MCHR2: variants seen among roughly 807,000 people sequenced by gnomAD.
MCHR2 encodes the protein melanin-concentrating hormone receptor 2.
Under a neutral mutation model 24.8 loss-of-function variants are expected in MCHR2, and 15 were observed. The observed-to-expected ratio is 0.60, with a 90% confidence interval of 0.40 to 0.93. MCHR2 has a LOEUF of 0.93. MCHR2 is among the 40% of genes least tolerant of loss of function. The pLI is 0.00. For missense variants in MCHR2, 386 were observed against 408.7 expected, an observed-to-expected ratio of 0.94 and a Z score of 0.48; for synonymous variants, 151 against 147.6, an observed-to-expected ratio of 1.02 and a Z score of -0.17.
chr6:99,948,121 G>T, intron 2 of MCHR2, 150 bp from the exon 3 acceptor site: 2 of 654,234 alleles, frequency 3.1e-6, no homozygotes, highest in Non-Finnish European at 5.2e-6. Flanking sequence ...GCCTAGTCTT[G>T]TGTGTATTTA....
chr6:99,945,300 G>A (rs766920834), intron 3 of MCHR2, among the ~76,000 whole-genome samples: 8 of 152,114 alleles, frequency 5.3e-5, no homozygotes, highest in Admixed American at 2.6e-4. Context: ...TGAATCAATT[G>A]CAAATTTTGG....
chr6:99,972,701 T>A (rs1233023256), intron 1 of MCHR2, among the ~76,000 whole-genome samples: 1 of 152,204 alleles, frequency 6.6e-6, no homozygotes, highest in Non-Finnish European at 1.5e-5. Context: ...GGGCATTTAG[T>A]GCTATAAATT....
chr6:99,951,796 G>T (rs1262788407), intron 2 of MCHR2, among the ~76,000 whole-genome samples: 1 of 152,130 alleles, frequency 6.6e-6, no homozygotes, highest in Non-Finnish European at 1.5e-5. Flanking sequence ...CCTGTCAGCA[G>T]CTGGAATTCT....
intron 1 of MCHR2, among the ~76,000 whole-genome samples, chr6:99,963,154 G>T (rs1339335242): frequency 6.6e-6 from 1 of 152,062 alleles, no homozygotes; most frequent in Non-Finnish European, 1.5e-5. Context: ...AAGTATTGAG[G>T]ATGTGGAAAA....
intron 3 of MCHR2, among the ~76,000 whole-genome samples, chr6:99,945,449 A>G (rs181962611): frequency 6.6e-6 from 1 of 152,236 alleles, no homozygotes; most frequent in African/African-American, 2.4e-5. Context: ...ATGGCTATGG[A>G]GGTAGAAGCC....
intron 3 of MCHR2, 43 bp from the exon 4 acceptor site, chr6:99,943,186 G>A: frequency 6.6e-7 from 1 of 1,508,646 alleles, no homozygotes; most frequent in Non-Finnish European, 9.0e-7. Flanking sequence ...ATCAATAAAA[G>A]CACTGAGCTC....
chr6:99,948,021 A>G lies in MCHR2; in HGVS notation c.183-50T>C, dbSNP rs370369113. On this transcript the variant is annotated intron_variant, in intron 2 of 5. Transcript: ENST00000281806. ...GATTGACATTGAATGTATACAGACT[A>G]TTCGATATATGCTACCTCATACAAA... 5.4e-6 allele frequency: 8 copies of G among 1,487,784 alleles called. No individual in the cohort carries two copies. In the African/African-American group the frequency reaches 9.7e-5, roughly 18 times the overall value. The allele number at this position is 1,487,784 out of a possible 1,614,324, so 92.2% of individuals were successfully genotyped here. A position where few individuals can be genotyped will look rare whatever the true frequency, so the allele number is the denominator to read the frequency against.
chr6:99,937,645 A>C (rs1053656665), intron 4 of MCHR2, among the ~76,000 whole-genome samples: 13 of 151,824 alleles, frequency 8.6e-5, no homozygotes, highest in Non-Finnish European at 1.9e-4. Flanking sequence ...TATGCTCATC[A>C]GTAATATTGG....
chr6:99,934,834 T>C (rs1013588533), intron 4 of MCHR2, among the ~76,000 whole-genome samples: 7 of 152,058 alleles, frequency 4.6e-5, no homozygotes, highest in African/African-American at 1.7e-4. Context: ...ATTTATTATA[T>C]AGTAGGCACT....
Position 99,919,705 on chromosome 6 carries a change from T to C in MCHR2, c.*1235A>G, listed in dbSNP as rs1379377687. ...CATGTATACTGTAACCAAAAGGGAA[T>C]GTTTCTTGTTTTTTTTTTTGTTTGT... On this transcript the variant is annotated 3_prime_UTR_variant, in exon 6 of 6. Coordinates refer to ENST00000281806, the MANE Select transcript of MCHR2 (RefSeq NM_001040179.2). Among the ~76,000 whole-genome samples the C allele has an allele frequency of 6.6e-6, 1 of 150,886 alleles. No individual in the cohort carries two copies. The highest frequency in any genetic ancestry group is 2.4e-5 in the African/African-American group (1 of 41,222).
At chr6:99,978,420 G>GTT (rs3996890) in intron 1 of MCHR2, among the ~76,000 whole-genome samples, 44,406 of 104,070 alleles carry the variant, frequency 0.43, 11,936 homozygotes, top group East Asian at 0.75. Flanking sequence ...GGTCAAGACA[G>GTT]TTTTTTTTTT....
intron 1 of MCHR2, among the ~76,000 whole-genome samples, chr6:99,963,561 AAAC>A (rs1775239010): frequency 6.6e-6 from 1 of 152,120 alleles, no homozygotes; most frequent in African/African-American, 2.4e-5. Context: ...TGCAAGGTGA[AAAC>A]AGTTTAGGTA....
chr6:99,960,894 C>T (rs537914665), intron 1 of MCHR2, among the ~76,000 whole-genome samples: 126 of 152,232 alleles, frequency 8.3e-4, no homozygotes, highest in African/African-American at 1.3e-3. Context: ...AAAACCTAGG[C>T]GATACCATTC....
chr6:99,946,879 C>T (rs1020687926), intron 3 of MCHR2, among the ~76,000 whole-genome samples: 1 of 152,090 alleles, frequency 6.6e-6, no homozygotes, highest in Non-Finnish European at 1.5e-5. Flanking sequence ...GGCTCTGTTT[C>T]TGTTTGGGGT....
At chr6:99,976,625 C>G (rs12055425) in intron 1 of MCHR2, among the ~76,000 whole-genome samples, 1 of 151,088 alleles carries the variant, frequency 6.6e-6, no homozygotes, top group East Asian at 1.9e-4. Flanking sequence ...CGTGGAGCAC[C>G]ACCTGTGGCT....
chr6:99,955,941 A>G, intron 2 of MCHR2, 25 bp downstream of exon 2: 1 of 1,483,354 alleles, frequency 6.7e-7, no homozygotes, highest in Non-Finnish European at 9.0e-7. Flanking sequence ...GGAAGGAAAA[A>G]AAAAAAAAAG....
rs964289355 is a variant in MCHR2 at position 99,921,094 on chromosome 6, A to C, written c.869T>G (p.Leu290Arg). Residue 290 changes from leucine (L) to arginine (R), a missense_variant, in exon 6 of 6, where the codon CTC (leucine) becomes CGC (arginine). Coordinates refer to ENST00000281806, the MANE Select transcript of MCHR2 (RefSeq NM_001040179.2). Reference protein sequence around the residue: ...PTLAFYVGYYLSICLSYASSS... With the variant: ...PTLAFYVGYYRSICLSYASSS... ...GCTGGCATAGCTGAGACAGATGGAG[A>C]GGTAATAACCCACATAGAAGGCCAG... The C allele has an allele frequency of 1.2e-6, 2 of 1,614,188 alleles. No individual in the cohort carries two copies. Among genetic ancestry groups the C allele is most frequent in the Non-Finnish European group, 1.7e-6 (2 of 1,180,022 alleles).
intron 5 of MCHR2, among the ~76,000 whole-genome samples, chr6:99,928,384 A>G (rs952137939): frequency 6.6e-6 from 1 of 151,980 alleles, no homozygotes; most frequent in African/African-American, 2.4e-5. Context: ...CTCTTTTTCT[A>G]TTGATTGGAA....
chr6:99,987,404 T>C (rs1177643245), intron 1 of MCHR2, among the ~76,000 whole-genome samples: 1 of 152,216 alleles, frequency 6.6e-6, no homozygotes, highest in African/African-American at 2.4e-5. Flanking sequence ...TGGATAGGTA[T>C]GTAATTAAAT....
Sources: gnomAD v4.1 joint callset for allele counts (sites outside exome capture counted in the v4.1 genomes callset) on GRCh38, gnomAD v4.1.1 for gene constraint, MANE v1.5 for transcripts, NCBI Gene and HGNC (gene_info 2026-07-23, HGNC 2026-07-21) for gene names.